Variants in XNDC1N observed in about 807,000 individuals in gnomAD.
XNDC1N encodes protein XNDC1N.
the XNDC1N span, among the ~76,000 whole-genome samples, chr11:71,876,158 A>G: frequency 2.6e-5 from 4 of 152,366 alleles, no homozygotes; most frequent in South Asian, 8.3e-4. Flanking sequence ...ATACTTGATT[A>G]TAAATTGTTT....
chr11:71,915,519 A>G, the XNDC1N span, among the ~76,000 whole-genome samples: 6 of 152,268 alleles, frequency 3.9e-5, no homozygotes, highest in East Asian at 1.9e-4. Flanking sequence ...ATATACACTG[A>G]AAAACCAAAA....
the XNDC1N span, among the ~76,000 whole-genome samples, chr11:71,902,000 C>T: frequency 6.6e-6 from 1 of 152,032 alleles, no homozygotes; most frequent in Non-Finnish European, 1.5e-5. Flanking sequence ...TTGTTTTGTC[C>T]TTCTCTCAGT....
chr11:71,903,774 C>T, the XNDC1N span: 1 of 359,510 alleles, frequency 2.8e-6, no homozygotes, highest in South Asian at 2.2e-5. Context: ...GACACCTTCA[C>T]CAGGAACATC....
chr11:71,903,987 A>T, the XNDC1N span: 17 of 516,350 alleles, frequency 3.3e-5, no homozygotes, highest in African/African-American at 2.9e-4. Flanking sequence ...CAGATGTGTC[A>T]TCTTCCCCGA....
the XNDC1N span, among the ~76,000 whole-genome samples, chr11:71,923,923 G>C: frequency 6.6e-6 from 1 of 152,134 alleles, no homozygotes; most frequent in Non-Finnish European, 1.5e-5. Context: ...GTTTGGATCA[G>C]CTGATGAGGC....
chr11:71,903,639 GTT>G, the XNDC1N span: 10 of 417,186 alleles, frequency 2.4e-5, no homozygotes, highest in Non-Finnish European at 3.7e-5. Flanking sequence ...TGTTGTCCTT[GTT>G]TTTTTTTTCT....
chr11:71,886,157 C>T, the XNDC1N span, among the ~76,000 whole-genome samples: 3 of 151,998 alleles, frequency 2.0e-5, no homozygotes, highest in East Asian at 1.9e-4. Flanking sequence ...GGGTACCAGC[C>T]CTTCACCTGC....
chr11:71,887,201 C>G, the XNDC1N span, among the ~76,000 whole-genome samples: 1 of 152,134 alleles, frequency 6.6e-6, no homozygotes, highest in Non-Finnish European at 1.5e-5. Context: ...GCCCCGGTCG[C>G]CCGGTTATCC....
At chr11:71,889,407 T>G in the XNDC1N span, among the ~76,000 whole-genome samples, 22 of 152,256 alleles carry the variant, frequency 1.4e-4, no homozygotes, top group South Asian at 3.1e-3. Flanking sequence ...AGCAGCATCT[T>G]CCCCCTTCTG....
At chr11:71,891,189 G>C in the XNDC1N span, among the ~76,000 whole-genome samples, 1 of 152,030 alleles carries the variant, frequency 6.6e-6, no homozygotes, top group Non-Finnish European at 1.5e-5. Context: ...CTGGATGTTA[G>C]GAACAATATC....
chr11:71,900,077 C>A, the XNDC1N span, among the ~76,000 whole-genome samples: 48 of 152,388 alleles, frequency 3.1e-4, no homozygotes, highest in East Asian at 5.4e-3. Flanking sequence ...AATCATAGTA[C>A]CTTCCCTTGA....
the XNDC1N span, among the ~76,000 whole-genome samples, chr11:71,925,608 T>C: frequency 2.0e-5 from 3 of 152,178 alleles, no homozygotes; most frequent in African/African-American, 7.2e-5. Context: ...TGCTAGATTT[T>C]AGAGATATAA....
At chr11:71,890,432 T>C in the XNDC1N span, among the ~76,000 whole-genome samples, 1 of 152,050 alleles carries the variant, frequency 6.6e-6, no homozygotes, top group African/African-American at 2.4e-5. Context: ...CTTCTGGAAC[T>C]TAGGGACAAT....
chr11:71,904,812 A>G, the XNDC1N span, among the ~76,000 whole-genome samples: 6 of 152,056 alleles, frequency 3.9e-5, no homozygotes, highest in Non-Finnish European at 8.8e-5. Flanking sequence ...TGTTCACCCC[A>G]TGTGACATTA....
the XNDC1N span, among the ~76,000 whole-genome samples, chr11:71,913,685 A>AAAAG: frequency 2.0e-5 from 3 of 147,814 alleles, no homozygotes; most frequent in African/African-American, 5.1e-5. Context: ...AAAAAAAAAA[A>AAAAG]AAAGAAAAAC....
the XNDC1N span, among the ~76,000 whole-genome samples, chr11:71,922,659 C>T: frequency 6.6e-6 from 1 of 152,200 alleles, no homozygotes; most frequent in African/African-American, 2.4e-5. Flanking sequence ...ACTAAGAAGC[C>T]TGGGGGCCAG....
the XNDC1N span, among the ~76,000 whole-genome samples, chr11:71,897,886 A>T: frequency 4.6e-5 from 7 of 152,250 alleles, no homozygotes; most frequent in Non-Finnish European, 8.8e-5. Context: ...TCAGCCTTCA[A>T]AAGGCAGGCA....
chr11:71,908,780 G>A, the XNDC1N span, among the ~76,000 whole-genome samples: 4 of 152,274 alleles, frequency 2.6e-5, no homozygotes, highest in Non-Finnish European at 4.4e-5. Flanking sequence ...GAAGAAAGGC[G>A]GAGAGTCCTC....
chr11:71,872,683 G>A, the XNDC1N span, among the ~76,000 whole-genome samples: 649 of 152,154 alleles, frequency 4.3e-3, 3 homozygotes, highest in African/African-American at 0.015. Context: ...AGTCGAGATC[G>A]CGCCACTGCA....
Sources: allele counts gnomAD v4.1 joint callset (sites outside exome capture counted in the v4.1 genomes callset), GRCh38; gene constraint gnomAD v4.1.1; transcripts MANE v1.5; gene names NCBI Gene and HGNC (gene_info 2026-07-23, HGNC 2026-07-21).